MCC: variants seen among roughly 807,000 people sequenced by gnomAD.
The protein encoded by MCC is colorectal mutant cancer protein.
MCC carries 90 observed loss-of-function variants against 116.2 expected under a neutral mutation model. That is an observed-to-expected ratio of 0.77 (90% confidence interval 0.65 to 0.92). The LOEUF is 0.92. Ranked by LOEUF, MCC falls within the 40% of genes least tolerant of loss-of-function variation. The probability of loss-of-function intolerance (pLI) is 0.00; values close to 1 mark genes in which losing one functional copy is unlikely to be tolerated. For missense variants in MCC, 1,516 were observed against 1,312.2 expected (o/e 1.16, Z -2.40); for synonymous variants, 578 against 510.5 (o/e 1.13, Z -1.78).
chr5:113,422,448 A>G (rs1378054603), intron 1 of MCC, among the ~76,000 whole-genome samples: 1 of 152,112 alleles, frequency 6.6e-6, no homozygotes, highest in Non-Finnish European at 1.5e-5. Flanking sequence ...TGTCTTTTTA[A>G]TTGACTTTAT....
At chr5:113,057,984 T>C (rs747990324) in intron 14 of MCC, among the ~76,000 whole-genome samples, 1 of 152,176 alleles carries the variant, frequency 6.6e-6, no homozygotes, top group African/African-American at 2.4e-5. Flanking sequence ...AGGAATGAAA[T>C]CCTTCCTTGT....
rs373750139 is a variant in MCC at position 113,216,108 on chromosome 5, CCTTT to C, written c.628-64690_628-64687del. On this transcript the variant is annotated intron_variant, in intron 3 of 18. Transcript: ENST00000408903. ...GTTTTATTGGAACATAGGTATGCCC[CCTTT>C]ATTTACATAGTGCCTATGGTTGCTT... Among the ~76,000 whole-genome samples the C allele has an allele frequency of 9.2e-5, 14 of 152,268 alleles. No individual in the cohort carries two copies. In the East Asian group the frequency reaches 2.3e-3, roughly 25 times the overall value.
At chr5:113,439,865 CATTTT>C (rs1396296462) in intron 1 of MCC, among the ~76,000 whole-genome samples, 1 of 152,124 alleles carries the variant, frequency 6.6e-6, no homozygotes, top group African/African-American at 2.4e-5. Context: ...TATTAATGGT[CATTTT>C]ATTTTATTTT....
At chr5:113,033,872 C>G (rs554706647) in intron 17 of MCC, among the ~76,000 whole-genome samples, 37 of 152,238 alleles carry the variant, frequency 2.4e-4, no homozygotes, top group Non-Finnish European at 4.9e-4. Flanking sequence ...GGTCGTATGA[C>G]TCTAACCGCA....
Position 113,488,266 on chromosome 5 carries a change from T to A in MCC, c.149A>T (p.Asp50Val). 6.3e-7 allele frequency: 1 copy of A among 1,595,640 alleles called. No homozygotes were observed. Among genetic ancestry groups the A allele is most frequent in the African/African-American group, 1.4e-5 (1 of 72,396 alleles). ...MRRLFQTCDG[D>V]GDGYISRNDL... Reference sequence around the variant, plus strand: ...GTACCTGCTGATGTATCCGTCCCCGTCGCCGTCGCACGTCTGGAAGAGGCG... The same window carrying A: ...GTACCTGCTGATGTATCCGTCCCCGACGCCGTCGCACGTCTGGAAGAGGCG... The change falls in exon 1 of 19, where the codon GAC becomes GTC. Residue 50 changes from aspartate (D) to valine (V), a missense_variant. Physicochemically the swap from Asp to Val is radical, Grantham distance 152 (BLOSUM62 -3). Transcript: ENST00000408903.
intron 3 of MCC, among the ~76,000 whole-genome samples, chr5:113,196,634 G>C (rs1213185078): frequency 6.6e-6 from 1 of 152,306 alleles, no homozygotes; most frequent in East Asian, 1.9e-4. Context: ...GAGATAATGA[G>C]GTCAGGAGAT....
chr5:113,243,224 G>A (rs765632738), intron 3 of MCC, among the ~76,000 whole-genome samples: 15 of 152,068 alleles, frequency 9.9e-5, no homozygotes, highest in Non-Finnish European at 1.5e-4. Flanking sequence ...GCATGATCTA[G>A]AAGTAGCTAC....
At chr5:113,148,235 A>G (rs2416306) in intron 4 of MCC, among the ~76,000 whole-genome samples, 93,988 of 152,056 alleles carry the variant, frequency 0.62, 29,606 homozygotes, top group East Asian at 0.73. Flanking sequence ...GGAAGATAGG[A>G]GTGTGCTGTT....
At chr5:113,385,358 T>C (rs1769229165) in intron 1 of MCC, 146 bp from the exon 2 acceptor site, 1 of 889,684 alleles carries the variant, frequency 1.1e-6, no homozygotes, top group Admixed American at 2.7e-5. Context: ...AGAAAAGTGA[T>C]AAGTGTATGA....
At chr5:113,165,498 G>A (rs1390413341) in intron 3 of MCC, among the ~76,000 whole-genome samples, 1 of 152,098 alleles carries the variant, frequency 6.6e-6, no homozygotes, top group Non-Finnish European at 1.5e-5. Flanking sequence ...AGGGGTAGTG[G>A]CATTACTCGC....
At chr5:113,350,945 C>T (rs997209426) in intron 2 of MCC, among the ~76,000 whole-genome samples, 5 of 152,094 alleles carry the variant, frequency 3.3e-5, no homozygotes, top group Non-Finnish European at 7.4e-5. Context: ...TGCTCAACAT[C>T]ATTGATTATC....
At chr5:113,227,955 C>T (rs1014925426) in intron 3 of MCC, among the ~76,000 whole-genome samples, 2 of 152,224 alleles carry the variant, frequency 1.3e-5, no homozygotes, top group Admixed American at 1.3e-4. Flanking sequence ...TAGTTAACGG[C>T]TGGTCTAATT....
intron 15 of MCC, 56 bp from the exon 16 acceptor site, chr5:113,049,355 G>A: frequency 1.4e-6 from 2 of 1,442,074 alleles, no homozygotes; most frequent in Non-Finnish European, 1.9e-6. Context: ...GAGCAGGCCT[G>A]GCTGCTGCCA....
chr5:113,258,098 G>A (rs891411768), intron 3 of MCC, among the ~76,000 whole-genome samples: 1 of 152,164 alleles, frequency 6.6e-6, no homozygotes, highest in Non-Finnish European at 1.5e-5. Context: ...GAATGAGAGA[G>A]AGCTTCCCAA....
chr5:113,110,806 T>C (rs532080638), intron 6 of MCC, among the ~76,000 whole-genome samples: 12 of 152,238 alleles, frequency 7.9e-5, no homozygotes, highest in African/African-American at 2.7e-4. Context: ...GCCTTTTTTT[T>C]ATTTTTAAAA....
At chr5:113,128,248 G>C (rs1044859450) in intron 5 of MCC, among the ~76,000 whole-genome samples, 5 of 152,208 alleles carry the variant, frequency 3.3e-5, no homozygotes, top group African/African-American at 1.2e-4. Context: ...TTGTGGAGAA[G>C]AGCCAGATGG....
chr5:113,176,546 C>G (rs2150306503), intron 3 of MCC, among the ~76,000 whole-genome samples: 1 of 152,336 alleles, frequency 6.6e-6, no homozygotes, highest in South Asian at 2.1e-4. Flanking sequence ...GTGCTCCAGG[C>G]TTGTACCACC....
chr5:113,125,780 G>A (rs1758014630), intron 5 of MCC, among the ~76,000 whole-genome samples: 1 of 152,134 alleles, frequency 6.6e-6, no homozygotes, highest in South Asian at 2.1e-4. Flanking sequence ...GAGGATGCCT[G>A]GTGAGGCTAA....
chr5:113,388,479 C>A (rs764626339), intron 1 of MCC, among the ~76,000 whole-genome samples: 1 of 152,076 alleles, frequency 6.6e-6, no homozygotes, highest in East Asian at 1.9e-4. Flanking sequence ...GGGGGTTAAT[C>A]CCTCATGAAT....
Sources: allele counts gnomAD v4.1 joint callset (sites outside exome capture counted in the v4.1 genomes callset), GRCh38; gene constraint gnomAD v4.1.1; transcripts MANE v1.5; gene names NCBI Gene and HGNC (gene_info 2026-07-23, HGNC 2026-07-21).